Variants in RBFOX2 observed in about 807,000 individuals in gnomAD.
The protein encoded by RBFOX2 is RNA binding fox-1 homolog 2.
In RBFOX2, 10 loss-of-function variants were observed where a neutral mutation model predicts 49.1. That is an observed-to-expected ratio of 0.20 (90% CI 0.13 to 0.35). RBFOX2 has a LOEUF of 0.35. RBFOX2 is among the 10% of genes least tolerant of loss of function. The pLI, the probability that RBFOX2 is intolerant of heterozygous loss-of-function variation, is 1.00. For missense variants in RBFOX2, 323 were observed against 486.9 expected, an observed-to-expected ratio of 0.66 and a Z score of 3.17; for synonymous variants, 183 against 187.4, an observed-to-expected ratio of 0.98 and a Z score of 0.19.
At chr22:35,935,382 G>A (rs1047458629) in intron 1 of RBFOX2, among the ~76,000 whole-genome samples, 2 of 152,244 alleles carry the variant, frequency 1.3e-5, no homozygotes, top group African/African-American at 2.4e-5. Flanking sequence ...AAAAGCAATG[G>A]ATTGTCATCC....
chr22:35,890,762 G>A (rs2047140940), intron 1 of RBFOX2, among the ~76,000 whole-genome samples: 1 of 151,922 alleles, frequency 6.6e-6, no homozygotes. Context: ...GGTGCACTGA[G>A]GAGTAAATGT....
At chr22:35,980,035 A>G (rs1160945031) in intron 1 of RBFOX2, among the ~76,000 whole-genome samples, 1 of 152,208 alleles carries the variant, frequency 6.6e-6, no homozygotes, top group African/African-American at 2.4e-5. Context: ...ATAAACTAGT[A>G]AAGGGTTACT....
chr22:35,933,511 A>G (rs1057277333), intron 1 of RBFOX2, among the ~76,000 whole-genome samples: 4 of 152,158 alleles, frequency 2.6e-5, no homozygotes, highest in African/African-American at 7.2e-5. Flanking sequence ...GGCCACCCCA[A>G]TGAAGCAAAA....
exon 12 of RBFOX2, chr22:35,744,203 C>T (rs1352427170): frequency 6.2e-7 from 1 of 1,610,356 alleles, no homozygotes; most frequent in Non-Finnish European, 8.5e-7. Flanking sequence ...TCTCACGTCA[C>T]TTCAGTAGGG....
chr22:36,006,653 GC>G (rs1347755263), intron 1 of RBFOX2, among the ~76,000 whole-genome samples: 1 of 152,114 alleles, frequency 6.6e-6, no homozygotes, highest in Non-Finnish European at 1.5e-5. Context: ...GACACTTTGG[GC>G]AAATCCCTTG....
At position 35,900,593 on chromosome 22, in the gene RBFOX2, TA is replaced by T. The variant is rs34716261; in HGVS notation, c.-34+38253del. Among the ~76,000 whole-genome samples the T allele has an allele frequency of 5.7e-3, 773 of 136,452 alleles. 3 individuals carry two copies. Among genetic ancestry groups the T allele is most frequent in the Middle Eastern group, 7.5e-3 (2 of 268 alleles). The allele number at this position is 136,452 out of a possible 152,430, so 89.5% of individuals were successfully genotyped here. A position where few individuals can be genotyped will look rare whatever the true frequency, so the allele number is the denominator to read the frequency against. ...ATGAGTATTGTCTATGAAGCTGACT[TA>T]AAAAAAAAAAAAAAAGTCGAAAGAA... On this transcript the variant is annotated intron_variant, in intron 1 of 13. Coordinates refer to the RBFOX2 transcript ENST00000359369.
intron 1 of RBFOX2, among the ~76,000 whole-genome samples, chr22:36,015,677 C>A (rs2059006034): frequency 6.6e-6 from 1 of 152,174 alleles, no homozygotes; most frequent in Non-Finnish European, 1.5e-5. Flanking sequence ...AGGGGACAAG[C>A]CAGTCTGATT....
At chr22:35,875,425 T>C (rs2044895722) in intron 1 of RBFOX2, among the ~76,000 whole-genome samples, 1 of 152,152 alleles carries the variant, frequency 6.6e-6, no homozygotes, top group Non-Finnish European at 1.5e-5. Flanking sequence ...AGGTTTAGTT[T>C]ATGCAAAATT....
chr22:35,993,216 C>A (rs538164701), intron 1 of RBFOX2: 2 of 152,270 alleles, frequency 1.3e-5, no homozygotes, highest in Non-Finnish European at 2.9e-5. Context: ...GAGTTTGCAT[C>A]ATCAAAATGA....
chr22:35,940,323 CA>C (rs2053563636), upstream of RBFOX2, among the ~76,000 whole-genome samples: 1 of 152,128 alleles, frequency 6.6e-6, no homozygotes, highest in Non-Finnish European at 1.5e-5. Context: ...AAGAGATGTG[CA>C]AATGGCCAGT....
chr22:35,814,655 G>A (rs749371619), intron 1 of RBFOX2, among the ~76,000 whole-genome samples: 23 of 140,280 alleles, frequency 1.6e-4, no homozygotes, highest in African/African-American at 5.2e-4. Flanking sequence ...AGGCTGTGGC[G>A]AGCTATGATT....
intron 1 of RBFOX2, among the ~76,000 whole-genome samples, chr22:35,830,238 T>C (rs560686018): frequency 3.9e-5 from 6 of 152,274 alleles, no homozygotes; most frequent in East Asian, 1.9e-4. Flanking sequence ...AAAGAAACTA[T>C]AGTCTGATGG....
intron 1 of RBFOX2, among the ~76,000 whole-genome samples, chr22:35,986,719 C>T (rs2057740619): frequency 6.6e-6 from 1 of 152,166 alleles, no homozygotes; most frequent in African/African-American, 2.4e-5. Context: ...AATGTATAGA[C>T]GTATTCCCAA....
At chr22:35,963,725 C>T (rs138994596), upstream of RBFOX2, among the ~76,000 whole-genome samples, 135 of 152,242 alleles carry the variant, frequency 8.9e-4, no homozygotes, top group African/African-American at 3.1e-3. Context: ...AACACCAACA[C>T]TAGTATATAT....
intron 1 of RBFOX2, chr22:35,898,423 T>TC (rs1294107380): frequency 2.6e-6 from 1 of 389,234 alleles, no homozygotes; most frequent in Non-Finnish European, 4.7e-6. Flanking sequence ...ACAATCCTTT[T>TC]TTTTTTTTTT....
At chr22:35,944,403 C>T (rs1430378800) in intron 1 of RBFOX2, among the ~76,000 whole-genome samples, 1 of 151,974 alleles carries the variant, frequency 6.6e-6, no homozygotes, top group Admixed American at 6.6e-5. Flanking sequence ...AATATATTTT[C>T]CCAGAAAGAA....
At chr22:35,830,276 T>C (rs895734314) in intron 1 of RBFOX2, among the ~76,000 whole-genome samples, 19 of 152,168 alleles carry the variant, frequency 1.2e-4, no homozygotes, top group Admixed American at 3.3e-4. Context: ...CTCACAATTA[T>C]AGTACCATAT....
chr22:35,954,086 T>G (rs754692185), intron 1 of RBFOX2, among the ~76,000 whole-genome samples: 2 of 152,170 alleles, frequency 1.3e-5, no homozygotes, highest in Non-Finnish European at 2.9e-5. Flanking sequence ...TGTTTTTTTA[T>G]GTCTGGAAGG....
intron 1 of RBFOX2, among the ~76,000 whole-genome samples, chr22:36,018,218 A>C (rs954923395): frequency 2.6e-5 from 4 of 152,214 alleles, no homozygotes; most frequent in Admixed American, 6.5e-5. Context: ...CATTCAATCA[A>C]GTATTAATCT....
Sources: allele counts gnomAD v4.1 joint callset (sites outside exome capture counted in the v4.1 genomes callset), GRCh38; gene constraint gnomAD v4.1.1; transcripts MANE v1.5; gene names NCBI Gene and HGNC (gene_info 2026-07-23, HGNC 2026-07-21).